Variants in ABHD3 observed in about 807,000 individuals in gnomAD.
ABHD3 encodes phospholipase ABHD3.
In ABHD3, 46 loss-of-function variants were observed where a neutral mutation model predicts 48.8. The ratio of observed to expected loss-of-function variants is 0.94; its 90% CI spans 0.74 to 1.20. The LOEUF (loss-of-function observed/expected upper bound fraction) is 1.20, where lower values mean the gene tolerates loss of function less well. Among genes scored for constraint, ABHD3 ranks in the 50% most tolerant of loss-of-function variants. ABHD3 has a pLI of 0.00. For synonymous variants in ABHD3, 192 were observed against 183.7 expected (o/e 1.04, Z -0.36); for missense variants, 490 against 497.8 (o/e 0.98, Z 0.15).
chr18:21,676,916 G>T (rs529044712), intron 4 of ABHD3, among the ~76,000 whole-genome samples: 1 of 152,214 alleles, frequency 6.6e-6, no homozygotes, highest in African/African-American at 2.4e-5. Context: ...TTTATGAGAT[G>T]TAATTTGCAT....
chr18:21,660,109 C>A (rs568917166), intron 5 of ABHD3, among the ~76,000 whole-genome samples: 2 of 147,102 alleles, frequency 1.4e-5, no homozygotes, highest in African/African-American at 5.1e-5. Context: ...CTACACGTGT[C>A]CGCCATCAAA....
chr18:21,668,787 G>A (rs1207287196), intron 4 of ABHD3, among the ~76,000 whole-genome samples: 2 of 152,094 alleles, frequency 1.3e-5, no homozygotes, highest in African/African-American at 4.8e-5. Context: ...TGATAATATT[G>A]CCAATGAAGG....
chr18:21,654,595 T>C (rs2039302762), intron 8 of ABHD3, among the ~76,000 whole-genome samples: 2 of 152,354 alleles, frequency 1.3e-5, no homozygotes, highest in Middle Eastern at 6.8e-3. Context: ...GGGGAATGGC[T>C]GATACTATTT....
chr18:21,687,918 T>C (rs1031918376), intron 3 of ABHD3, among the ~76,000 whole-genome samples: 3 of 152,212 alleles, frequency 2.0e-5, no homozygotes, highest in South Asian at 4.1e-4. Context: ...ACCAACTAGA[T>C]GCCAGTAGCA....
In ABHD3 at chr18:21,677,884, C is replaced by T. The variant is rs536815114; in HGVS notation, c.555+6036G>A. Among the ~76,000 whole-genome samples, 28 of 151,968 alleles carry T rather than the reference C, an allele frequency of 1.8e-4. 1 individual carries two copies. Among genetic ancestry groups the T allele is most frequent in the South Asian group, 1.7e-3 (8 of 4,808 alleles). On this transcript the variant is annotated intron_variant, in intron 4 of 8. Transcript: ENST00000289119. Reference sequence around the variant, plus strand: ...TATTTTAGTAGAGACAGGGTTTCACCATGTTAGCCAGCATGTGATTCACCC... The same window carrying T: ...TATTTTAGTAGAGACAGGGTTTCACTATGTTAGCCAGCATGTGATTCACCC...
intron 4 of ABHD3, among the ~76,000 whole-genome samples, chr18:21,678,951 C>T (rs978016535): frequency 2.2e-4 from 34 of 152,290 alleles, no homozygotes; most frequent in African/African-American, 8.2e-4. Context: ...TCCTTATTCT[C>T]CTTTGTAGGA....
intron 3 of ABHD3, among the ~76,000 whole-genome samples, chr18:21,690,864 G>A (rs1322604375): frequency 6.6e-6 from 1 of 151,154 alleles, no homozygotes; most frequent in Non-Finnish European, 1.5e-5. Context: ...GTGTGGTGGT[G>A]GGTGCCTGTA....
intron 5 of ABHD3, among the ~76,000 whole-genome samples, chr18:21,659,961 CCTT>C (rs1485779748): frequency 1.6e-5 from 2 of 126,536 alleles, no homozygotes; most frequent in Non-Finnish European, 3.1e-5. Context: ...TTGCACCCGG[CCTT>C]TTTTTTTTTT....
intron 5 of ABHD3, among the ~76,000 whole-genome samples, chr18:21,661,404 G>A (rs2039491723): frequency 6.6e-6 from 1 of 152,082 alleles, no homozygotes; most frequent in Admixed American, 6.5e-5. Flanking sequence ...TTGGGAGGCT[G>A]AGGCAGGCAG....
intron 3 of ABHD3, among the ~76,000 whole-genome samples, chr18:21,696,861 A>C (rs1322112241): frequency 6.6e-6 from 1 of 151,914 alleles, no homozygotes; most frequent in Admixed American, 6.6e-5. Flanking sequence ...AAGCCACTGC[A>C]CCTGGCATTC....
chr18:21,703,864 C>CT, intron 1 of ABHD3, 117 bp from the exon 2 acceptor site: 2 of 1,162,592 alleles, frequency 1.7e-6, no homozygotes, highest in Non-Finnish European at 2.4e-6. Flanking sequence ...ACAACTCTTT[C>CT]TGGAGGGCTG....
intron 3 of ABHD3, chr18:21,701,976 A>T: frequency 5.9e-6 from 1 of 168,906 alleles, no homozygotes; most frequent in Non-Finnish European, 1.3e-5. Context: ...GTACTCTCTC[A>T]GGGGTCTGTA....
At chr18:21,700,827 CAAAAAAAAAAAA>C (rs375239917) in intron 3 of ABHD3, among the ~76,000 whole-genome samples, 5,042 of 94,436 alleles carry the variant, frequency 0.053, 413 homozygotes, top group African/African-American at 0.16. Context: ...AAGTTTTAGC[CAAAAAAAAAAAA>C]AAAAAAAAAA....
chr18:21,657,160 A>G lies in ABHD3; in HGVS notation c.843-8T>C. 1 of 1,595,788 alleles carries G rather than the reference A, an allele frequency of 6.3e-7. No homozygotes were observed. On this transcript the variant is annotated splice_region_variant and splice_polypyrimidine_tract_variant and intron_variant, in intron 6 of 8. Coordinates refer to ENST00000289119, the MANE Select transcript of ABHD3 (RefSeq NM_138340.5). ...ACAAACATATGTCGGTGCCTGGAAC[A>G]AAAGAATTTCGGAAGTAAAAATCAA...
chr18:21,674,089 T>C (rs147229705), intron 4 of ABHD3, among the ~76,000 whole-genome samples: 210 of 152,242 alleles, frequency 1.4e-3, no homozygotes, highest in Middle Eastern at 0.014. Flanking sequence ...GGGTCTGAAC[T>C]CTTGGATTCC....
At chr18:21,680,011 T>C (rs905111383) in intron 4 of ABHD3, among the ~76,000 whole-genome samples, 1 of 151,126 alleles carries the variant, frequency 6.6e-6, no homozygotes, top group African/African-American at 2.4e-5. Flanking sequence ...TCAAGTTTAT[T>C]ATTTCTTTTT....
chr18:21,659,827 C>T (rs1221558727), intron 5 of ABHD3, among the ~76,000 whole-genome samples: 1 of 152,096 alleles, frequency 6.6e-6, no homozygotes, highest in Non-Finnish European at 1.5e-5. Context: ...CATCACCACG[C>T]CCCGGTAATT....
At chr18:21,670,405 T>C (rs1177714024) in intron 4 of ABHD3, among the ~76,000 whole-genome samples, 2 of 152,216 alleles carry the variant, frequency 1.3e-5, no homozygotes, top group Admixed American at 1.3e-4. Flanking sequence ...ACATCATTAA[T>C]CTACACTATC....
chr18:21,680,977 C>T (rs993442072), intron 4 of ABHD3, among the ~76,000 whole-genome samples: 2 of 151,898 alleles, frequency 1.3e-5, no homozygotes, highest in Admixed American at 1.3e-4. Context: ...ATCCTCCCAC[C>T]TGGGCCTCCC....
Sources: allele counts gnomAD v4.1 joint callset (sites outside exome capture counted in the v4.1 genomes callset), GRCh38; gene constraint gnomAD v4.1.1; transcripts MANE v1.5; gene names NCBI Gene and HGNC (gene_info 2026-07-23, HGNC 2026-07-21).